Variants in SLCO1A2 observed in about 807,000 individuals in gnomAD.
The protein encoded by SLCO1A2 is solute carrier organic anion transporter family member 1A2, also known as OATP-1.
SLCO1A2 carries 67 observed loss-of-function variants against 69.0 expected under a neutral mutation model. The observed-to-expected ratio is 0.97, with a 90% confidence interval of 0.80 to 1.19. SLCO1A2 has a LOEUF of 1.19. Ranked by LOEUF, SLCO1A2 falls within the 50% of genes most tolerant of loss-of-function variation. SLCO1A2 has a pLI of 0.00. For missense variants in SLCO1A2, 787 were observed against 793.7 expected (o/e 0.99, Z 0.10); for synonymous variants, 260 against 265.9 (o/e 0.98, Z 0.22).
chr12:21,397,099 C>A (rs1165116571), upstream of SLCO1A2, among the ~76,000 whole-genome samples: 1 of 152,032 alleles, frequency 6.6e-6, no homozygotes, highest in Non-Finnish European at 1.5e-5. Flanking sequence ...AGAGTCAAGA[C>A]CCATCAGTGT....
chr12:21,389,269 G>C (rs1431411709), intron 1 of SLCO1A2, among the ~76,000 whole-genome samples: 1 of 152,080 alleles, frequency 6.6e-6, no homozygotes, highest in Non-Finnish European at 1.5e-5. Flanking sequence ...TTTGTATCTG[G>C]AAATTAGCCT....
intron 1 of SLCO1A2, among the ~76,000 whole-genome samples, chr12:21,391,846 T>G (rs1309758522): frequency 6.6e-6 from 1 of 152,084 alleles, no homozygotes; most frequent in Non-Finnish European, 1.5e-5. Context: ...AAACCAAATC[T>G]CCTTCCCTCC....
At chr12:21,284,501 C>T (rs547255515) in intron 12 of SLCO1A2, among the ~76,000 whole-genome samples, 16 of 151,764 alleles carry the variant, frequency 1.1e-4, no homozygotes, top group African/African-American at 2.4e-4. Flanking sequence ...CTGCACCAAG[C>T]GAACCTAATA....
chr12:21,346,521 CAA>C (rs879780466), intron 2 of SLCO1A2, among the ~76,000 whole-genome samples: 1 of 138,076 alleles, frequency 7.2e-6, no homozygotes. Flanking sequence ...GATATGTTAG[CAA>C]AAAAAAAAAA....
chr12:21,363,344 G>A (rs543813919), intron 2 of SLCO1A2, among the ~76,000 whole-genome samples: 8 of 152,074 alleles, frequency 5.3e-5, no homozygotes, highest in Admixed American at 1.3e-4. Flanking sequence ...TCTTTGAAAC[G>A]AATGAGAACA....
At chr12:21,355,224 T>C (rs1938271978) in intron 2 of SLCO1A2, among the ~76,000 whole-genome samples, 1 of 152,194 alleles carries the variant, frequency 6.6e-6, no homozygotes, top group African/African-American at 2.4e-5. Flanking sequence ...ACGACCTTTA[T>C]AGAGTAGAAT....
intron 2 of SLCO1A2, among the ~76,000 whole-genome samples, chr12:21,367,286 A>C (rs948878968): frequency 6.6e-6 from 1 of 152,198 alleles, no homozygotes; most frequent in Non-Finnish European, 1.5e-5. Context: ...CTACTGCAGT[A>C]TATGTTCCAT....
chr12:21,276,135 T>C (rs11045927), intron 12 of SLCO1A2, among the ~76,000 whole-genome samples: 1 of 151,982 alleles, frequency 6.6e-6, no homozygotes, highest in South Asian at 2.1e-4. Flanking sequence ...AAGTCTCAGA[T>C]GTGTAAGGTT....
At chr12:21,344,615 G>A (rs374074495) in intron 2 of SLCO1A2, among the ~76,000 whole-genome samples, 27 of 152,012 alleles carry the variant, frequency 1.8e-4, no homozygotes, top group Non-Finnish European at 2.8e-4. Flanking sequence ...TCTGGGAGAC[G>A]TTTTAGGACT....
intron 5 of SLCO1A2, 117 bp downstream of exon 5, chr12:21,306,765 A>G: frequency 1.7e-6 from 1 of 602,628 alleles, no homozygotes. Context: ...GTTCCTGGAG[A>G]GAGAACATAT....
rs148216026 is a variant in SLCO1A2 at position 21,301,613 on chromosome 12, G to A, written c.590-344C>T. ...AAGGTCCTGTTAATTCATCCCACAG[G>A]CATGTTTTGGGAGGAATTCTAAAGC... On this transcript the variant is annotated intron_variant, in intron 6 of 14. Coordinates refer to ENST00000683939, the MANE Select transcript of SLCO1A2 (RefSeq NM_001386879.1). 1.4e-3 allele frequency among the ~76,000 whole-genome samples: 206 copies of A among 152,206 alleles called. 1 individual carries two copies. Among genetic ancestry groups the A allele is most frequent in the African/African-American group, 4.7e-3 (195 of 41,526 alleles).
chr12:21,378,462 C>A, intron 1 of SLCO1A2: 1 of 1,522,914 alleles, frequency 6.6e-7, no homozygotes, highest in South Asian at 1.1e-5. Flanking sequence ...GTTTTATGTT[C>A]TAGTGATTTC....
chr12:21,305,697 G>T (rs1470599697), intron 5 of SLCO1A2, among the ~76,000 whole-genome samples: 2 of 152,246 alleles, frequency 1.3e-5, no homozygotes, highest in South Asian at 2.1e-4. Flanking sequence ...GCCCGCTCAG[G>T]AAGAGAACAC....
rs375650175 is a variant in SLCO1A2 at position 21,304,527 on chromosome 12, T to C, written c.489A>G (p.Val163=). ...VKSLMWVYVL[V]GNIVRGMGET... is the part of the protein sequence containing the mutation. ...CACCCATTCCACGTACAATATTGCCTACTAGGACGTACACCCACATTAATG... is the reference window on the plus strand; with the variant it reads ...CACCCATTCCACGTACAATATTGCCCACTAGGACGTACACCCACATTAATG... The change falls in exon 6 of 15, where the codon GTA becomes GTG. Residue 163 remains valine, a synonymous_variant. Coordinates refer to ENST00000683939, the MANE Select transcript of SLCO1A2 (RefSeq NM_001386879.1). The C allele has an allele frequency of 1.9e-6, 3 of 1,612,976 alleles. No individual in the cohort carries two copies. The African/African-American group carries it at 4.0e-5, about 22-fold the overall frequency.
At chr12:21,393,688 G>A (rs576956335) in intron 1 of SLCO1A2, among the ~76,000 whole-genome samples, 4 of 152,144 alleles carry the variant, frequency 2.6e-5, no homozygotes, top group South Asian at 2.1e-4. Flanking sequence ...AAACAGATAC[G>A]GTTACTAATC....
At chr12:21,385,570 G>A (rs1271888487) in intron 1 of SLCO1A2, among the ~76,000 whole-genome samples, 1 of 152,182 alleles carries the variant, frequency 6.6e-6, no homozygotes, top group Admixed American at 6.5e-5. Context: ...AAACTGTGAG[G>A]AAAGCAAAAC....
At chr12:21,331,535 G>T (rs1162889547) in intron 2 of SLCO1A2, among the ~76,000 whole-genome samples, 1 of 151,928 alleles carries the variant, frequency 6.6e-6, no homozygotes, top group African/African-American at 2.4e-5. Context: ...CCAACAATAT[G>T]ATTACTGAGC....
intron 2 of SLCO1A2, among the ~76,000 whole-genome samples, chr12:21,332,687 T>C (rs1195973386): frequency 6.6e-6 from 1 of 152,120 alleles, no homozygotes; most frequent in Non-Finnish European, 1.5e-5. Context: ...TAAACTACCA[T>C]CTTTCTCACT....
chr12:21,329,328 T>A (rs1286455992), intron 2 of SLCO1A2, among the ~76,000 whole-genome samples: 1 of 152,114 alleles, frequency 6.6e-6, no homozygotes, highest in Non-Finnish European at 1.5e-5. Flanking sequence ...CTCTCAGAGG[T>A]AACTTTTGTT....
Sources: gnomAD v4.1 joint callset for allele counts (sites outside exome capture counted in the v4.1 genomes callset) on GRCh38, gnomAD v4.1.1 for gene constraint, MANE v1.5 for transcripts, NCBI Gene and HGNC (gene_info 2026-07-23, HGNC 2026-07-21) for gene names.